AVL9: variants seen among roughly 807,000 people sequenced by gnomAD.
AVL9 encodes the protein late secretory pathway protein AVL9 homolog.
Under a neutral mutation model 79.2 loss-of-function variants are expected in AVL9, and 49 were observed. The observed-to-expected ratio is 0.62, with a 90% CI of 0.49 to 0.79. AVL9 has a LOEUF of 0.79. Ranked by LOEUF, AVL9 falls within the 30% of genes least tolerant of loss-of-function variation. The pLI, the probability that AVL9 is intolerant of heterozygous loss-of-function variation, is 0.00. For synonymous variants in AVL9, 299 were observed against 280.6 expected, an observed-to-expected ratio of 1.07 and a Z score of -0.65; for missense variants, 682 against 776.8, an observed-to-expected ratio of 0.88 and a Z score of 1.45.
chr7:32,563,995 T>C (rs1490839255), intron 10 of AVL9, among the ~76,000 whole-genome samples: 1 of 152,192 alleles, frequency 6.6e-6, no homozygotes, highest in Non-Finnish European at 1.5e-5. Flanking sequence ...CTTTCTGAGC[T>C]GTGTTATGAC....
chr7:32,512,168 T>A (rs1198280382), intron 1 of AVL9, among the ~76,000 whole-genome samples: 1 of 152,194 alleles, frequency 6.6e-6, no homozygotes, highest in East Asian at 1.9e-4. Flanking sequence ...TAAATGGATC[T>A]GTAATTATTG....
rs145761084 is a variant in AVL9, at chr7:32,521,205, C to T, written c.94-21936C>T. Among the ~76,000 whole-genome samples the T allele has an allele frequency of 2.2e-3, 330 of 152,268 alleles. 3 individuals are homozygous for T. Among genetic ancestry groups the T allele is most frequent in the African/African-American group, 7.7e-3 (318 of 41,548 alleles). ...AGAGTGGGGCACTGCTGAAAATATA[C>T]TTGAAAATGTGGAAGCGACTTTGGA... On this transcript the variant is annotated intron_variant, in intron 1 of 15. Transcript: ENST00000318709.
rs575796520 is a variant in AVL9, at chr7:32,509,614, G to T, written c.93+13812G>T. Reference sequence around the variant, plus strand: ...GAGAGGAAAGGAACAGACTGTCTTGGCCGGGCGGGCGGATCACTTGAGGTC... The same window carrying T: ...GAGAGGAAAGGAACAGACTGTCTTGTCCGGGCGGGCGGATCACTTGAGGTC... On this transcript the variant is annotated intron_variant, in intron 1 of 15. Coordinates refer to ENST00000318709, the MANE Select transcript of AVL9 (RefSeq NM_015060.3). Among the ~76,000 whole-genome samples the T allele has an allele frequency of 2.6e-5, 4 of 152,252 alleles. No homozygotes were observed. The East Asian group carries it at 7.7e-4, about 29-fold the overall frequency.
At chr7:32,523,271 A>G (rs1788248263) in intron 1 of AVL9, among the ~76,000 whole-genome samples, 1 of 150,668 alleles carries the variant, frequency 6.6e-6, no homozygotes, top group Non-Finnish European at 1.5e-5. Context: ...ATTAAGGGGA[A>G]AAAAAAAATC....
chr7:32,566,250 C>G (rs1790563739), intron 10 of AVL9, among the ~76,000 whole-genome samples: 2 of 129,212 alleles, frequency 1.5e-5, no homozygotes, highest in Admixed American at 9.4e-5. Context: ...AATCTCGGCT[C>G]TCTGCAACCT....
chr7:32,505,244 G>A (rs1005203331), intron 1 of AVL9, among the ~76,000 whole-genome samples: 6 of 151,696 alleles, frequency 4.0e-5, no homozygotes, highest in African/African-American at 9.7e-5. Context: ...TAAACGCTTC[G>A]GCTGGGCGTG....
intron 1 of AVL9, chr7:32,538,719 T>G (rs1789032255): frequency 1.3e-5 from 2 of 152,196 alleles, no homozygotes; most frequent in South Asian, 2.1e-4. Context: ...AAATTTTTTT[T>G]GCACAAACGG....
chr7:32,560,269 A>G (rs1304805026), intron 10 of AVL9, among the ~76,000 whole-genome samples: 1 of 151,186 alleles, frequency 6.6e-6, no homozygotes, highest in East Asian at 1.9e-4. Flanking sequence ...TAAAAAAACA[A>G]CAAAGTGAAT....
chr7:32,559,100 A>G lies in AVL9; in HGVS notation c.851A>G (p.Asn284Ser). Residue 284 changes from asparagine (N) to serine (S), a missense_variant, in exon 10 of 16, where the codon AAC becomes AGC. Physicochemically the swap from Asn to Ser is conservative, Grantham distance 46. Transcript: ENST00000318709. ...LGTIRKVMAG[N>S]HGEDAAMKTE... ...ACTATCAGGAAAGTCATGGCAGGAA[A>G]CCATGGAGAAGATGCTGCCATGAAG... 6.2e-7 allele frequency: 1 copy of G among 1,614,058 alleles called. No individual in the cohort carries two copies. Among genetic ancestry groups the G allele is most frequent in the African/African-American group, 1.3e-5 (1 of 75,048 alleles).
chr7:32,548,917 TG>T lies in AVL9; in HGVS notation c.372+1del. ...VQKSVCVLSK[L>X]PLYGLLQAKL... Reference sequence around the variant, plus strand: ...AAAAGTGTCTGTGTTCTAAGCAAGCTGGTAAGAGACGAAGTAACTTGTTCAT... The same window carrying T: ...AAAAGTGTCTGTGTTCTAAGCAAGCTGTAAGAGACGAAGTAACTTGTTCAT... On this transcript the variant is annotated frameshift_variant and splice_region_variant, in exon 4 of 16. Transcript: ENST00000318709. LOFTEE classifies it high-confidence loss of function. 2 of 1,558,084 alleles carry T rather than the reference TG, an allele frequency of 1.3e-6. No individual in the cohort carries two copies. Among genetic ancestry groups the T allele is most frequent in the Non-Finnish European group, 1.7e-6 (2 of 1,154,372 alleles).
chr7:32,543,898 TTTC>T (rs1789338110), intron 2 of AVL9, among the ~76,000 whole-genome samples: 2 of 17,790 alleles, frequency 1.1e-4, no homozygotes, highest in African/African-American at 3.3e-4. Flanking sequence ...ATTGATTTTC[TTTC>T]TTTCTTTCTT....
At chr7:32,505,896 TGA>T (rs1787392701) in intron 1 of AVL9, among the ~76,000 whole-genome samples, 1 of 152,196 alleles carries the variant, frequency 6.6e-6, no homozygotes, top group South Asian at 2.1e-4. Context: ...ATTTATGTAC[TGA>T]GAGCATAAAT....
At chr7:32,573,446 A>T in intron 12 of AVL9, 28 bp downstream of exon 12, 1 of 1,562,400 alleles carries the variant, frequency 6.4e-7, no homozygotes, top group African/African-American at 1.4e-5. Flanking sequence ...GCCTACAGCT[A>T]CCTGTTTTAT....
intron 1 of AVL9, among the ~76,000 whole-genome samples, chr7:32,509,560 A>C (rs1000745833): frequency 6.6e-6 from 1 of 152,202 alleles, no homozygotes; most frequent in African/African-American, 2.4e-5. Context: ...CCAAAGGTAG[A>C]GGCTTGTATA....
chr7:32,542,504 T>C (rs787222), intron 1 of AVL9, among the ~76,000 whole-genome samples: 52,503 of 151,886 alleles, frequency 0.35, 9,421 homozygotes, highest in South Asian at 0.44. Context: ...TGCAGTGAGC[T>C]GAGATCATGC....
chr7:32,537,554 C>T (rs986253380), intron 1 of AVL9: 1 of 146,774 alleles, frequency 6.8e-6, no homozygotes, highest in African/African-American at 2.5e-5. Context: ...CCACCACCAC[C>T]TGAGTTCAAG....
chr7:32,582,470 T>C (rs1192948721), intron 15 of AVL9, among the ~76,000 whole-genome samples: 1 of 152,250 alleles, frequency 6.6e-6, no homozygotes, highest in Non-Finnish European at 1.5e-5. Context: ...CACACAAACA[T>C]TTATTTCCAA....
intron 12 of AVL9, among the ~76,000 whole-genome samples, chr7:32,575,050 G>A (rs1161447584): frequency 6.6e-6 from 1 of 152,068 alleles, no homozygotes; most frequent in African/African-American, 2.4e-5. Context: ...TGATAAAGCT[G>A]AAAACTTTAT....
At chr7:32,503,472 C>G (rs1044521419) in intron 1 of AVL9, among the ~76,000 whole-genome samples, 5 of 144,120 alleles carry the variant, frequency 3.5e-5, no homozygotes, top group African/African-American at 1.3e-4. Flanking sequence ...GCAGGAGAAT[C>G]GCTTGAACCT....
Sources: allele counts gnomAD v4.1 joint callset (sites outside exome capture counted in the v4.1 genomes callset), GRCh38; gene constraint gnomAD v4.1.1; transcripts MANE v1.5; gene names NCBI Gene and HGNC (gene_info 2026-07-23, HGNC 2026-07-21).